Variants in MTUS1 observed in about 807,000 individuals in gnomAD.
MTUS1 encodes the protein microtubule associated scaffold protein 1.
MTUS1 carries 109 observed loss-of-function variants against 120.8 expected under a neutral mutation model. The ratio of observed to expected loss-of-function variants is 0.90; its 90% CI spans 0.77 to 1.06. MTUS1 has a LOEUF of 1.06. Among genes scored for constraint, MTUS1 ranks in the 50% least tolerant of loss-of-function variants. The pLI, the probability that MTUS1 is intolerant of heterozygous loss-of-function variation, is 0.00. For synonymous variants in MTUS1, 737 were observed against 550.5 expected (o/e 1.34, Z -4.74); for missense variants, 2,210 against 1,486.3 (o/e 1.49, Z -8.01).
intron 3 of MTUS1, among the ~76,000 whole-genome samples, chr8:17,742,304 T>TTTTTTTTTTTTTTTTTC (rs1563302539): frequency 6.9e-6 from 1 of 144,710 alleles, no homozygotes; most frequent in African/African-American, 2.6e-5. Context: ...TTTTTTTTTT[T>TTTTTTTTTTTTTTTTTC]TTTTTTTAGA....
At chr8:17,771,643 G>T (rs1448408717) in intron 1 of MTUS1, among the ~76,000 whole-genome samples, 1 of 152,190 alleles carries the variant, frequency 6.6e-6, no homozygotes, top group Non-Finnish European at 1.5e-5. Context: ...TGCATGCCAA[G>T]AAGTCTTGCA....
intron 3 of MTUS1, among the ~76,000 whole-genome samples, chr8:17,724,963 C>T (rs1474855797): frequency 1.3e-5 from 2 of 151,980 alleles, no homozygotes; most frequent in Non-Finnish European, 2.9e-5. Context: ...GCTTTGTTGC[C>T]CAGGCTGGTC....
rs1468559718 is a variant in MTUS1, at chr8:17,645,010, A to G, written c.*916T>C. Reference sequence around the variant, plus strand: ...CTGCAAGGGTAGATCAAAGGTAAAAATAAGGTGGAAAAACCCATTGGTACT... The same window carrying G: ...CTGCAAGGGTAGATCAAAGGTAAAAGTAAGGTGGAAAAACCCATTGGTACT... On this transcript the variant is annotated 3_prime_UTR_variant, in exon 15 of 15. Transcript: ENST00000693296. 2.0e-5 allele frequency: 3 copies of G among 152,464 alleles called. No homozygotes were observed. The highest frequency in any genetic ancestry group is 7.2e-5 in the African/African-American group (3 of 41,400). 9.4% of individuals were successfully genotyped at this position (152,464 alleles called of 1,614,324 possible). A position where few individuals can be genotyped will look rare whatever the true frequency, so the allele number is the denominator to read the frequency against.
intron 14 of MTUS1, 36 bp from the exon 15 acceptor site, chr8:17,646,175 T>TAA (rs74273453): frequency 3.3e-3 from 4,045 of 1,244,274 alleles, no homozygotes; most frequent in South Asian, 5.8e-3. Flanking sequence ...GAGATCTATG[T>TAA]AAAAAAAAAA....
intron 1 of MTUS1, among the ~76,000 whole-genome samples, chr8:17,770,156 C>T (rs1418234868): frequency 2.0e-5 from 3 of 151,430 alleles, no homozygotes; most frequent in African/African-American, 7.3e-5. Flanking sequence ...ATATTTTAAC[C>T]CAAAGCAGAG....
rs757739378 is a variant in MTUS1, at chr8:17,675,172, C to A, written c.2905+14G>T. 6.9e-5 allele frequency: 111 copies of A among 1,613,842 alleles called. No individual in the cohort carries two copies. Among genetic ancestry groups the A allele is most frequent in the Non-Finnish European group, 8.9e-5 (105 of 1,179,880 alleles). On this transcript the variant is annotated intron_variant, in intron 8 of 14. Coordinates refer to ENST00000693296, the MANE Select transcript of MTUS1 (RefSeq NM_001363059.2). ...GTCCCATAAAATTTAACAACAACAA[C>A]AAAAAGCTCTTACCTAGCTCTCCCC...
chr8:17,776,811 T>G lies in MTUS1; in HGVS notation c.-154-20850A>C, dbSNP rs1054026964. On this transcript the variant is annotated intron_variant, in intron 1 of 14. Coordinates refer to ENST00000693296, the MANE Select transcript of MTUS1 (RefSeq NM_001363059.2). ...TACTCATAGGTGACGATGAGTGATA[T>G]TTAATCACTATTAACAACTGTTTTC... Among the ~76,000 whole-genome samples the G allele has an allele frequency of 4.6e-5, 7 of 152,150 alleles. No individual in the cohort carries two copies. In the East Asian group the frequency reaches 5.8e-4, roughly 13 times the overall value.
Position 17,654,590 on chromosome 8 carries a change from AG to A in MTUS1, c.3184del (p.Leu1062Ter), listed in dbSNP as rs1234874830. ...AAGGGAGGCTTCATAGGCCTTCTTT[AG>A]CAATTCAAGTTTCTCTGAGTGGCTA... ...EASHSEKLELLKKAYEASLSE... is the reference protein window; with the variant it reads ...EASHSEKLELXKKAYEASLSE... On this transcript the variant is annotated frameshift_variant, in exon 10 of 15. Coordinates refer to ENST00000693296, the MANE Select transcript of MTUS1 (RefSeq NM_001363059.2). LOFTEE classifies it high-confidence loss of function. 3.7e-6 allele frequency: 6 copies of A among 1,613,726 alleles called. No individual in the cohort carries two copies. The highest frequency in any genetic ancestry group is 4.2e-6 in the Non-Finnish European group (5 of 1,179,688).
chr8:17,745,638 A>C (rs1435456725), intron 2 of MTUS1, among the ~76,000 whole-genome samples: 2 of 152,212 alleles, frequency 1.3e-5, no homozygotes, highest in African/African-American at 4.8e-5. Context: ...ACTCAAGATC[A>C]CCAGTGTCAC....
At position 17,741,592 on chromosome 8, in the gene MTUS1, C is replaced by T. The variant is rs183392913; in HGVS notation, c.2287+2012G>A. ...AACAGATCCACTTTTCTCTAAGACA[C>T]ATTATGCAACACAGAGTAAAAGGAC... On this transcript the variant is annotated intron_variant, in intron 3 of 14. Coordinates refer to ENST00000693296, the MANE Select transcript of MTUS1 (RefSeq NM_001363059.2). Among the ~76,000 whole-genome samples the T allele has an allele frequency of 5.3e-5, 8 of 152,342 alleles. No individual in the cohort carries two copies. The East Asian group carries it at 1.5e-3, about 29-fold the overall frequency.
intron 8 of MTUS1, among the ~76,000 whole-genome samples, chr8:17,669,410 G>A (rs1404829671): frequency 2.0e-5 from 3 of 152,180 alleles, no homozygotes; most frequent in Non-Finnish European, 4.4e-5. Flanking sequence ...GGAGGGGAAA[G>A]GAGGTCTGAA....
intron 1 of MTUS1, among the ~76,000 whole-genome samples, chr8:17,778,789 G>A (rs2050651890): frequency 1.3e-5 from 2 of 152,188 alleles, no homozygotes; most frequent in South Asian, 2.1e-4. Flanking sequence ...AGCCTGGGTG[G>A]CCGAGTAAGA....
rs768071595 is a variant in MTUS1, at chr8:17,743,664, T to G, written c.2227A>C (p.Arg743=). 6.2e-7 allele frequency: 1 copy of G among 1,614,218 alleles called. No homozygotes were observed. Among genetic ancestry groups the G allele is most frequent in the Admixed American group, 1.7e-5 (1 of 60,024 alleles). The change falls in exon 3 of 15, where the codon AGA becomes CGA. Residue 743 remains arginine (R), a synonymous_variant. Coordinates refer to ENST00000693296, the MANE Select transcript of MTUS1 (RefSeq NM_001363059.2). The part of the protein sequence containing the change: ...VSCLRRNSDN[R]NPSADRAVSP... ...ACGGCTCGATCAGCACTGGGATTTC[T>G]ATTGTCACTGTTCCGCCTCAAACAG... is the stretch of plus-strand genomic sequence containing the variant.
Position 17,653,175 on chromosome 8 carries a change from A to G in MTUS1, c.3384+11T>C, listed in dbSNP as rs977808268. On this transcript the variant is annotated intron_variant, in intron 12 of 14. Coordinates refer to ENST00000693296, the MANE Select transcript of MTUS1 (RefSeq NM_001363059.2). ...AAATTCCATACTGATAAAGGAGCACACACAACTTACCAAATTTGCTTTTTC... is the reference window on the plus strand; with the variant it reads ...AAATTCCATACTGATAAAGGAGCACGCACAACTTACCAAATTTGCTTTTTC... The G allele has an allele frequency of 6.7e-7, 1 of 1,492,282 alleles. No individual in the cohort carries two copies. Among genetic ancestry groups the G allele is most frequent in the Admixed American group, 2.5e-5 (1 of 39,294 alleles). The allele number at this position is 1,492,282 out of a possible 1,614,324, so 92.4% of individuals were successfully genotyped here. A position where few individuals can be genotyped will look rare whatever the true frequency, so the allele number is the denominator to read the frequency against.
intron 1 of MTUS1, among the ~76,000 whole-genome samples, chr8:17,780,703 A>G (rs2050811129): frequency 2.0e-5 from 3 of 152,170 alleles, no homozygotes; most frequent in Admixed American, 2.0e-4. Flanking sequence ...AACTGGTCAA[A>G]TCATGAGCCT....
At chr8:17,673,865 C>T (rs1812525265) in intron 8 of MTUS1, among the ~76,000 whole-genome samples, 1 of 151,962 alleles carries the variant, frequency 6.6e-6, no homozygotes, top group Admixed American at 6.5e-5. Flanking sequence ...GTGGTCTTGT[C>T]CAAAAGAAAA....
At chr8:17,765,159 T>C (rs2049377683) in intron 1 of MTUS1, among the ~76,000 whole-genome samples, 1 of 152,178 alleles carries the variant, frequency 6.6e-6, no homozygotes, top group African/African-American at 2.4e-5. Flanking sequence ...GAGAATCTGA[T>C]GCTGTCGCTA....
At chr8:17,672,513 AAT>A (rs1812236335) in intron 8 of MTUS1, among the ~76,000 whole-genome samples, 1 of 152,244 alleles carries the variant, frequency 6.6e-6, no homozygotes. Context: ...TTGCTATGTC[AAT>A]GTCAAAGTTA....
At chr8:17,686,409 A>T (rs1815809194) in intron 6 of MTUS1, among the ~76,000 whole-genome samples, 1 of 152,094 alleles carries the variant, frequency 6.6e-6, no homozygotes, top group African/African-American at 2.4e-5. Flanking sequence ...ATAAACATCT[A>T]TGTGTTATAT....
Sources: allele counts gnomAD v4.1 joint callset (sites outside exome capture counted in the v4.1 genomes callset), GRCh38; gene constraint gnomAD v4.1.1; transcripts MANE v1.5; gene names NCBI Gene and HGNC (gene_info 2026-07-23, HGNC 2026-07-21).